Variants in NEBL observed in about 807,000 individuals in gnomAD.
NEBL encodes the protein nebulette, also known as LIM and SH3 protein 2.
NEBL carries 122 observed loss-of-function variants against 140.2 expected under a neutral mutation model. The observed-to-expected ratio is 0.87, with a 90% confidence interval of 0.75 to 1.01. NEBL has a LOEUF of 1.01. NEBL is among the 50% of genes least tolerant of loss of function. The pLI is 0.00. For missense variants in NEBL, 1,365 were observed against 1,231.3 expected (o/e 1.11, Z -1.62); for synonymous variants, 436 against 398.9 (o/e 1.09, Z -1.11).
At chr10:21,268,771 C>G (rs1259256546) in intron 1 of NEBL, among the ~76,000 whole-genome samples, 1 of 151,812 alleles carries the variant, frequency 6.6e-6, no homozygotes, top group Non-Finnish European at 1.5e-5. Context: ...GTGATCCACC[C>G]GCCTCGGCCT....
chr10:20,955,296 A>G (rs1835742588), intron 4 of NEBL, among the ~76,000 whole-genome samples: 1 of 152,244 alleles, frequency 6.6e-6, no homozygotes, highest in Admixed American at 6.5e-5. Flanking sequence ...AATTAAAACC[A>G]AAGTGGAGAA....
chr10:20,981,736 A>G (rs571174080), intron 3 of NEBL, among the ~76,000 whole-genome samples: 95 of 152,270 alleles, frequency 6.2e-4, no homozygotes, highest in African/African-American at 2.2e-3. Context: ...GACAGCTACA[A>G]GGATGTAGGC....
At chr10:21,226,032 G>T (rs1448318938) in intron 3 of NEBL, among the ~76,000 whole-genome samples, 1 of 152,062 alleles carries the variant, frequency 6.6e-6, no homozygotes, top group African/African-American at 2.4e-5. Context: ...CTCACATGAG[G>T]TCCACAACAA....
chr10:21,205,093 G>A (rs915230006), intron 3 of NEBL, among the ~76,000 whole-genome samples: 1 of 152,126 alleles, frequency 6.6e-6, no homozygotes, highest in Non-Finnish European at 1.5e-5. Flanking sequence ...TTGCATCTAG[G>A]CATGAAAACA....
chr10:21,266,263 T>C (rs1017774460), intron 1 of NEBL, among the ~76,000 whole-genome samples: 5 of 152,068 alleles, frequency 3.3e-5, no homozygotes, highest in African/African-American at 1.2e-4. Flanking sequence ...CACCTTAGCC[T>C]CCCGAGTAGC....
In NEBL at chr10:21,020,079, T is replaced by C. The variant is rs746027348; in HGVS notation, c.249+38A>G. 5 of 1,547,536 alleles carry C rather than the reference T, an allele frequency of 3.2e-6. No individual in the cohort carries two copies. In the South Asian group the frequency reaches 5.6e-5, roughly 17 times the overall value. On this transcript the variant is annotated intron_variant, in intron 3 of 6. Coordinates refer to the NEBL transcript ENST00000417816. ...GAAGAGCAGCCTTGTGAAAAATCTT[T>C]AGGGCCAAGGGAACAAAACAAATCT...
At chr10:20,831,932 T>C (rs1356368389) in intron 14 of NEBL, among the ~76,000 whole-genome samples, 1 of 152,184 alleles carries the variant, frequency 6.6e-6, no homozygotes, top group Non-Finnish European at 1.5e-5. Context: ...AAAATTGCTG[T>C]TTTTCACTCT....
intron 1 of NEBL, among the ~76,000 whole-genome samples, chr10:21,292,126 T>G (rs1052404094): frequency 6.6e-6 from 1 of 152,170 alleles, no homozygotes; most frequent in East Asian, 1.9e-4. Flanking sequence ...TCTCTGTAGC[T>G]GAACGTGGTT....
intron 1 of NEBL, among the ~76,000 whole-genome samples, chr10:21,286,312 TTG>T (rs2132302434): frequency 6.6e-6 from 1 of 152,336 alleles, no homozygotes; most frequent in East Asian, 1.9e-4. Flanking sequence ...ATAACATTCT[TTG>T]TAGCCCAGAG....
At chr10:20,867,622 C>A (rs529641777) in intron 7 of NEBL, 1 of 152,144 alleles carries the variant, frequency 6.6e-6, no homozygotes, top group South Asian at 2.1e-4. Flanking sequence ...ATAGAGTCTC[C>A]TGGATTTTCT....
intron 26 of NEBL, among the ~76,000 whole-genome samples, chr10:20,806,798 A>G (rs12252931): frequency 0.012 from 1,808 of 152,332 alleles, 26 homozygotes; most frequent in African/African-American, 0.04. Flanking sequence ...TGGACTGAGG[A>G]GGATAGACAT....
Position 20,845,417 on chromosome 10 carries a change from A to G in NEBL, c.1117-49T>C, listed in dbSNP as rs1452527370. 5 of 1,168,380 alleles carry G rather than the reference A, an allele frequency of 4.3e-6. No homozygotes were observed. The Admixed American group carries it at 8.5e-5, about 20-fold the overall frequency. The allele number at this position is 1,168,380 out of a possible 1,614,324, so 72.4% of individuals were successfully genotyped here. The stretch of plus-strand genomic sequence containing the variant: ...TTAAAGTTAGCAAATATCAGTGACC[A>G]TTGAAAAGAGATTTGAACAAGAGTT... On this transcript the variant is annotated intron_variant, in intron 11 of 27. Transcript: ENST00000377122.
Position 21,044,747 on chromosome 10 carries a change from C to G in NEBL, c.165-24546G>C, listed in dbSNP as rs541517483. ...AAATGCCCCTGCTCCGTAAGCTCTT[C>G]TCCATAATACTGCATGATCCCCCAG... On this transcript the variant is annotated intron_variant, in intron 2 of 6. Coordinates refer to the NEBL transcript ENST00000417816. 2.0e-5 allele frequency among the ~76,000 whole-genome samples: 3 copies of G among 152,304 alleles called. No homozygotes were observed. The South Asian group carries it at 6.2e-4, about 32-fold the overall frequency.
chr10:21,095,212 C>G (rs1837130702), intron 2 of NEBL, among the ~76,000 whole-genome samples: 1 of 152,206 alleles, frequency 6.6e-6, no homozygotes, highest in African/African-American at 2.4e-5. Context: ...AACCCCTGCC[C>G]TGAAAGCTGA....
intron 2 of NEBL, among the ~76,000 whole-genome samples, chr10:21,145,038 A>T (rs1488158147): frequency 6.6e-6 from 1 of 152,212 alleles, no homozygotes; most frequent in Non-Finnish European, 1.5e-5. Context: ...ATGGCAAAAA[A>T]ATAAAATAAA....
intron 3 of NEBL, among the ~76,000 whole-genome samples, chr10:21,002,605 C>A (rs45449796): frequency 7.2e-5 from 11 of 152,250 alleles, no homozygotes; most frequent in African/African-American, 2.6e-4. Context: ...GTACAGGAAG[C>A]ATGGATGGAG....
At chr10:20,831,338 G>T in intron 15 of NEBL, 32 bp from the exon 16 acceptor site, 2 of 1,558,606 alleles carry the variant, frequency 1.3e-6, no homozygotes, top group Non-Finnish European at 1.8e-6. Flanking sequence ...TTAGAGCTTT[G>T]CTTAAGCTTT....
chr10:20,890,836 C>T (rs1395316311), intron 2 of NEBL, among the ~76,000 whole-genome samples: 1 of 152,168 alleles, frequency 6.6e-6, no homozygotes, highest in Non-Finnish European at 1.5e-5. Flanking sequence ...AATTGCTGCA[C>T]AATCTGGAAA....
Position 20,796,367 on chromosome 10 carries a change from G to GAAA in NEBL, c.2762-9062_2762-9060dup, listed in dbSNP as rs57844177. Among the ~76,000 whole-genome samples the GAAA allele has an allele frequency of 8.2e-4, 42 of 51,512 alleles. 2 individuals are homozygous for GAAA. The highest frequency in any genetic ancestry group is 3.2e-3 in the East Asian group (5 of 1,554). 33.8% of individuals were successfully genotyped at this position (51,512 alleles called of 152,430 possible). ...AAGAGTGAAACTCAGTCTAAAACAA[G>GAAA]AAAAAAAAAAAAAAAAAAAAAAAAA... On this transcript the variant is annotated intron_variant, in intron 26 of 27. Coordinates refer to ENST00000377122, the MANE Select transcript of NEBL (RefSeq NM_006393.3).
Sources: gnomAD v4.1 joint callset for allele counts (sites outside exome capture counted in the v4.1 genomes callset) on GRCh38, gnomAD v4.1.1 for gene constraint, MANE v1.5 for transcripts, NCBI Gene and HGNC (gene_info 2026-07-23, HGNC 2026-07-21) for gene names.